Variants in PCED1B observed in about 807,000 individuals in gnomAD.
PCED1B encodes PC-esterase domain-containing protein 1B.
For missense variants in PCED1B, 573 were observed against 573.9 expected (o/e 1.00, Z 0.02); for synonymous variants, 251 against 246.1 (o/e 1.02, Z -0.19).
rs753671267 is a variant in PCED1B, at chr12:47,236,253, A to G, written c.1190A>G (p.His397Arg). 9 of 1,613,976 alleles carry G rather than the reference A, an allele frequency of 5.6e-6. No homozygotes were observed. The Admixed American group carries it at 1.0e-4, about 18-fold the overall frequency. The change falls in exon 4 of 4, where the codon CAT (histidine) becomes CGT (arginine). Residue 397 changes from histidine to arginine, a missense_variant. Transcript: ENST00000546455. ...TATCAGCGGCCTGCCCCAGTGGTACATAGGGGTTTTGGCAGGTATCGTCCC... is the reference window on the plus strand; with the variant it reads ...TATCAGCGGCCTGCCCCAGTGGTACGTAGGGGTTTTGGCAGGTATCGTCCC... ...PRYQRPAPVV[H>R]RGFGRYRPRG...
intron 2 of PCED1B, among the ~76,000 whole-genome samples, chr12:47,149,577 A>C (rs1465825612): frequency 1.3e-5 from 2 of 152,258 alleles, no homozygotes; most frequent in East Asian, 3.8e-4. Flanking sequence ...GAGCCCGTCA[A>C]CCTGAAGAGT....
chr12:47,192,232 C>G (rs1942467597), intron 2 of PCED1B, among the ~76,000 whole-genome samples: 1 of 143,490 alleles, frequency 7.0e-6, no homozygotes, highest in Non-Finnish European at 1.5e-5. Context: ...TCACGACAAA[C>G]AGTAAATGCA....
At chr12:47,211,653 CAA>C (rs760117906) in intron 2 of PCED1B, among the ~76,000 whole-genome samples, 4,964 of 65,572 alleles carry the variant, frequency 0.076, 274 homozygotes, top group African/African-American at 0.25. Context: ...GACTCTGTCT[CAA>C]AAAAAAAAAA....
chr12:47,212,780 A>G (rs575179202), intron 2 of PCED1B, among the ~76,000 whole-genome samples: 1 of 152,240 alleles, frequency 6.6e-6, no homozygotes, highest in Non-Finnish European at 1.5e-5. Flanking sequence ...AGTACCAAGC[A>G]GTCTGCTTAG....
intron 2 of PCED1B, among the ~76,000 whole-genome samples, chr12:47,164,873 G>A (rs1941495332): frequency 6.6e-6 from 1 of 152,226 alleles, no homozygotes; most frequent in Admixed American, 6.5e-5. Context: ...GGCTAGTTGA[G>A]TCACAATGAA....
chr12:47,153,222 C>T lies in PCED1B; in HGVS notation c.-526+49027C>T, dbSNP rs553761985. The stretch of plus-strand genomic sequence containing the variant: ...AAAATTAGCTGGGTGTGGTGGCGGG[C>T]GCCTGTAGTCCCAGCTACTTGGGAG... On this transcript the variant is annotated intron_variant, in intron 2 of 3. Transcript: ENST00000546455. Among the ~76,000 whole-genome samples the T allele has an allele frequency of 2.4e-4, 37 of 151,496 alleles. 1 individual carries two copies. The highest frequency in any genetic ancestry group is 2.0e-3 in the East Asian group (10 of 5,118).
At chr12:47,219,930 G>T (rs1018886756) in intron 3 of PCED1B, among the ~76,000 whole-genome samples, 2 of 151,988 alleles carry the variant, frequency 1.3e-5, no homozygotes, top group Non-Finnish European at 2.9e-5. Context: ...TGTCAATAAT[G>T]GGTGTGGTGG....
At chr12:47,155,472 G>T (rs1425199292) in intron 2 of PCED1B, among the ~76,000 whole-genome samples, 2 of 152,168 alleles carry the variant, frequency 1.3e-5, no homozygotes, top group Non-Finnish European at 2.9e-5. Flanking sequence ...CCATTTCATG[G>T]TGTTTTATGA....
intron 2 of PCED1B, among the ~76,000 whole-genome samples, chr12:47,142,606 TAAA>T (rs1940635757): frequency 6.6e-6 from 1 of 150,748 alleles, no homozygotes; most frequent in Non-Finnish European, 1.5e-5. Context: ...AGAAGTGTAA[TAAA>T]GAAATAAAAA....
At chr12:47,097,418 C>T (rs1337206991) in intron 1 of PCED1B, among the ~76,000 whole-genome samples, 2 of 152,138 alleles carry the variant, frequency 1.3e-5, no homozygotes, top group Non-Finnish European at 2.9e-5. Context: ...ACTGGAAGCC[C>T]ACATTAAAGC....
At chr12:47,214,733 C>T (rs1368640643) in intron 2 of PCED1B, among the ~76,000 whole-genome samples, 3 of 152,106 alleles carry the variant, frequency 2.0e-5, no homozygotes, top group Non-Finnish European at 4.4e-5. Context: ...TGTCTGAGAG[C>T]AGGACTCTTC....
intron 2 of PCED1B, among the ~76,000 whole-genome samples, chr12:47,157,105 G>A (rs1306769373): frequency 2.0e-5 from 3 of 152,134 alleles, no homozygotes; most frequent in Non-Finnish European, 4.4e-5. Flanking sequence ...CAGGTACACA[G>A]AGAGCATTTC....
chr12:47,144,371 T>G (rs1054312355), intron 2 of PCED1B, among the ~76,000 whole-genome samples: 3 of 152,220 alleles, frequency 2.0e-5, no homozygotes, highest in Admixed American at 6.5e-5. Flanking sequence ...TCTAAATGAC[T>G]TTGAGGTCAT....
intron 1 of PCED1B, among the ~76,000 whole-genome samples, chr12:47,101,711 C>G (rs942346740): frequency 2.6e-5 from 4 of 152,134 alleles, no homozygotes; most frequent in African/African-American, 9.7e-5. Context: ...CTTTGGGAGG[C>G]TGAGACGGCC....
chr12:47,232,275 G>A (rs905429354), intron 3 of PCED1B, among the ~76,000 whole-genome samples: 4 of 152,144 alleles, frequency 2.6e-5, no homozygotes, highest in Non-Finnish European at 5.9e-5. Flanking sequence ...ACAAACATAA[G>A]CCACTGCACC....
intron 2 of PCED1B, among the ~76,000 whole-genome samples, chr12:47,174,446 TAAATAAA>T (rs1941860044): frequency 7.4e-6 from 1 of 135,328 alleles, no homozygotes; most frequent in African/African-American, 3.4e-5. Context: ...ACAAACAAAA[TAAATAAA>T]TAAATAAATA....
intron 2 of PCED1B, among the ~76,000 whole-genome samples, chr12:47,172,457 C>T (rs1360314368): frequency 2.0e-5 from 3 of 150,010 alleles, no homozygotes; most frequent in East Asian, 3.9e-4. Flanking sequence ...GCCTGGGTGA[C>T]AGGGTGAGAC....
intron 2 of PCED1B, among the ~76,000 whole-genome samples, chr12:47,153,729 T>C (rs1258778961): frequency 6.6e-6 from 1 of 152,220 alleles, no homozygotes; most frequent in East Asian, 1.9e-4. Context: ...TCAGTTTTAT[T>C]CTATTCTTTC....
At chr12:47,183,955 G>C (rs1296545350) in intron 2 of PCED1B, among the ~76,000 whole-genome samples, 4 of 152,230 alleles carry the variant, frequency 2.6e-5, no homozygotes, top group East Asian at 1.9e-4. Context: ...TATGGTTCCT[G>C]CTGAGGCAGA....
Sources: allele counts gnomAD v4.1 joint callset (sites outside exome capture counted in the v4.1 genomes callset), GRCh38; gene constraint gnomAD v4.1.1; transcripts MANE v1.5; gene names NCBI Gene and HGNC (gene_info 2026-07-23, HGNC 2026-07-21).